The following ADAMTSL1 variants were observed in gnomAD, a reference collection of about 807,000 sequenced individuals.
The protein encoded by ADAMTSL1 is ADAMTS like 1.
A neutral mutation model predicts 201.8 loss-of-function variants in ADAMTSL1; 126 were observed. The ratio of observed to expected loss-of-function variants is 0.62; its 90% confidence interval spans 0.54 to 0.72. ADAMTSL1 has a LOEUF of 0.72. Among genes scored for constraint, ADAMTSL1 ranks in the 30% least tolerant of loss-of-function variants. ADAMTSL1 has a pLI of 0.00. For synonymous variants in ADAMTSL1, 1,121 were observed against 903.4 expected, an observed-to-expected ratio of 1.24 and a Z score of -4.32; for missense variants, 2,679 against 2,277.8, an observed-to-expected ratio of 1.18 and a Z score of -3.59.
intron 1 of ADAMTSL1, among the ~76,000 whole-genome samples, chr9:18,135,434 A>G (rs1347813210): frequency 6.6e-6 from 1 of 152,140 alleles, no homozygotes. Context: ...GTATTGCTGA[A>G]AGGAAGGAGG....
intron 1 of ADAMTSL1, among the ~76,000 whole-genome samples, chr9:17,993,603 C>T (rs1819251322): frequency 6.6e-6 from 1 of 152,188 alleles, no homozygotes; most frequent in Non-Finnish European, 1.5e-5. Context: ...GCCATCTCAA[C>T]TTGGTCACCC....
chr9:18,735,330 A>C lies in ADAMTSL1; in HGVS notation c.2006+13665A>C, dbSNP rs62552760. On this transcript the variant is annotated intron_variant, in intron 15 of 28. Transcript: ENST00000380548. ...TGCGAAGTTTTCTGAGTTCCGTGAA[A>C]CTAGGTGTTATAGAAGTATAAGATA... 6.6e-3 allele frequency among the ~76,000 whole-genome samples: 1,010 copies of C among 152,306 alleles called. 4 individuals carry two copies. Among genetic ancestry groups the C allele is most frequent in the Middle Eastern group, 0.02 (6 of 294 alleles).
chr9:18,186,743 C>T (rs908565901), intron 2 of ADAMTSL1, among the ~76,000 whole-genome samples: 19 of 152,048 alleles, frequency 1.2e-4, no homozygotes, highest in Non-Finnish European at 2.2e-4. Flanking sequence ...CTTTTCCTTG[C>T]ATCCAGTCAC....
intron 1 of ADAMTSL1, among the ~76,000 whole-genome samples, chr9:17,931,589 C>A (rs1391606506): frequency 1.3e-5 from 2 of 152,140 alleles, no homozygotes; most frequent in Non-Finnish European, 2.9e-5. Context: ...TTTTCCACAT[C>A]GTGCCTCTTT....
intron 1 of ADAMTSL1, among the ~76,000 whole-genome samples, chr9:17,986,009 A>C (rs1264707826): frequency 6.6e-6 from 1 of 152,132 alleles, no homozygotes; most frequent in East Asian, 1.9e-4. Flanking sequence ...GGTTTTATTT[A>C]TCAGCCTGAA....
intron 2 of ADAMTSL1, among the ~76,000 whole-genome samples, chr9:18,343,065 C>T (rs1034706624): frequency 6.6e-6 from 1 of 151,386 alleles, no homozygotes; most frequent in Non-Finnish European, 1.5e-5. Flanking sequence ...GTAACTCACA[C>T]CTGCAGTCTC....
intron 2 of ADAMTSL1, among the ~76,000 whole-genome samples, chr9:18,404,830 TGG>T (rs2133282411): frequency 6.6e-6 from 1 of 152,326 alleles, no homozygotes; most frequent in South Asian, 2.1e-4. Flanking sequence ...CTTGGCTCCC[TGG>T]AATGGAAAAC....
At chr9:18,686,942 AAG>A (rs1830876862) in intron 13 of ADAMTSL1, among the ~76,000 whole-genome samples, 1 of 152,210 alleles carries the variant, frequency 6.6e-6, no homozygotes, top group South Asian at 2.1e-4. Context: ...GTAGTTAAAA[AAG>A]TTTTAGCCAT....
intron 7 of ADAMTSL1, among the ~76,000 whole-genome samples, chr9:18,644,111 A>G (rs1827623751): frequency 6.6e-6 from 1 of 151,760 alleles, no homozygotes; most frequent in Non-Finnish European, 1.5e-5. Flanking sequence ...TTACTCCTAA[A>G]TATTGGGGGT....
intron 3 of ADAMTSL1, among the ~76,000 whole-genome samples, chr9:18,562,517 G>A (rs1046071194): frequency 3.3e-5 from 5 of 152,146 alleles, no homozygotes; most frequent in Admixed American, 2.0e-4. Flanking sequence ...TTCTTGTGGA[G>A]TATCTTTGTG....
chr9:18,313,714 C>G (rs1239340113), intron 2 of ADAMTSL1, among the ~76,000 whole-genome samples: 2 of 152,134 alleles, frequency 1.3e-5, no homozygotes, highest in African/African-American at 4.8e-5. Context: ...AGGACATGAG[C>G]AGTGTTCTAG....
chr9:17,971,595 T>C (rs1818207885), intron 1 of ADAMTSL1, among the ~76,000 whole-genome samples: 1 of 152,030 alleles, frequency 6.6e-6, no homozygotes, highest in Non-Finnish European at 1.5e-5. Flanking sequence ...TATATGACTT[T>C]ATGAAGGTAA....
intron 15 of ADAMTSL1, among the ~76,000 whole-genome samples, chr9:18,725,415 C>G (rs923588266): frequency 3.9e-5 from 6 of 152,160 alleles, no homozygotes; most frequent in Non-Finnish European, 7.3e-5. Flanking sequence ...CTAAGATTAA[C>G]CATAAGCAGT....
At chr9:18,033,450 G>A (rs1253696337) in intron 1 of ADAMTSL1, among the ~76,000 whole-genome samples, 1 of 152,124 alleles carries the variant, frequency 6.6e-6, no homozygotes, top group Non-Finnish European at 1.5e-5. Flanking sequence ...TTAACACATT[G>A]TTTCCACTTC....
At chr9:18,418,708 G>A (rs967185815) in intron 2 of ADAMTSL1, among the ~76,000 whole-genome samples, 3 of 152,090 alleles carry the variant, frequency 2.0e-5, no homozygotes, top group African/African-American at 7.2e-5. Flanking sequence ...CTAAGTAAAT[G>A]GAAAGACATA....
At chr9:18,028,441 G>A (rs1232905065) in intron 1 of ADAMTSL1, among the ~76,000 whole-genome samples, 3 of 152,032 alleles carry the variant, frequency 2.0e-5, no homozygotes, top group Non-Finnish European at 4.4e-5. Context: ...CTGAAAACAG[G>A]TCTCCAATCT....
chr9:18,065,014 C>G (rs1376171385), intron 1 of ADAMTSL1, among the ~76,000 whole-genome samples: 1 of 103,744 alleles, frequency 9.6e-6, no homozygotes, highest in Non-Finnish European at 1.8e-5. Flanking sequence ...AACCTGGGAA[C>G]AAGGAAAGGG....
intron 23 of ADAMTSL1, among the ~76,000 whole-genome samples, chr9:18,879,704 G>A (rs1828406161): frequency 6.6e-6 from 1 of 152,172 alleles, no homozygotes; most frequent in African/African-American, 2.4e-5. Flanking sequence ...CTTTTTGCTG[G>A]TGGAGGGTCT....
chr9:18,454,578 A>G (rs758877203), intron 2 of ADAMTSL1, among the ~76,000 whole-genome samples: 4 of 152,164 alleles, frequency 2.6e-5, no homozygotes, highest in Non-Finnish European at 4.4e-5. Flanking sequence ...GAACACACCT[A>G]TCCCTCTCAG....
Sources: gnomAD v4.1 joint callset for allele counts (sites outside exome capture counted in the v4.1 genomes callset) on GRCh38, gnomAD v4.1.1 for gene constraint, MANE v1.5 for transcripts, NCBI Gene and HGNC (gene_info 2026-07-23, HGNC 2026-07-21) for gene names.